Variants in ARHGAP36 observed in about 807,000 individuals in gnomAD.
ARHGAP36 encodes rho GTPase-activating protein 36.
In ARHGAP36, 7 loss-of-function variants were observed where a neutral mutation model predicts 32.9. The ratio of observed to expected loss-of-function variants is 0.21; its 90% CI spans 0.12 to 0.40. The LOEUF (loss-of-function observed/expected upper bound fraction) is 0.40, where lower values mean the gene tolerates loss of function less well. Among genes scored for constraint, ARHGAP36 ranks in the 10% least tolerant of loss-of-function variants. ARHGAP36 has a pLI of 1.00. For synonymous variants in ARHGAP36, 165 were observed against 168.3 expected, an observed-to-expected ratio of 0.98 and a Z score of 0.15; for missense variants, 383 against 442.2, an observed-to-expected ratio of 0.87 and a Z score of 1.20.
intron 3 of ARHGAP36, among the ~76,000 whole-genome samples, chrX:131,083,507 A>C (rs1014850672): frequency 5.4e-5 from 6 of 112,026 alleles, no homozygotes; most frequent in Admixed American, 3.7e-4. Flanking sequence ...GGAAAATTTA[A>C]GGCAGGGACC....
intron 1 of ARHGAP36, among the ~76,000 whole-genome samples, chrX:131,073,291 C>T: frequency 8.8e-6 from 1 of 113,047 alleles, no homozygotes; most frequent in South Asian, 3.7e-4. Flanking sequence ...CCTGGAGCTA[C>T]CCAGGGGCAG....
At chrX:131,084,769 G>C (rs374674459) in intron 6 of ARHGAP36, 88 bp downstream of exon 6, 3 of 1,170,375 alleles carry the variant, frequency 2.6e-6, no homozygotes, top group Non-Finnish European at 2.3e-6. Context: ...CTACCTGGTG[G>C]GGGGAGGAGC....
chrX:131,059,734 T>C (rs892566773), intron 1 of ARHGAP36, among the ~76,000 whole-genome samples: 1 of 112,117 alleles, frequency 8.9e-6, no homozygotes, highest in Admixed American at 9.4e-5. Context: ...AAGGTTTATA[T>C]GATCCTGGTG....
chrX:131,063,954 A>G (rs895262405), intron 1 of ARHGAP36, among the ~76,000 whole-genome samples: 1 of 112,064 alleles, frequency 8.9e-6, no homozygotes, highest in Non-Finnish European at 1.9e-5. Flanking sequence ...TAAGTGCTGC[A>G]TAGCATATCT....
chrX:131,077,958 C>T (rs2148640371), intron 1 of ARHGAP36, among the ~76,000 whole-genome samples: 1 of 109,784 alleles, frequency 9.1e-6, no homozygotes, highest in African/African-American at 3.4e-5. Context: ...AAATACTTGA[C>T]TCTGCTGAAA....
chrX:131,063,897 T>C (rs1481872901), intron 1 of ARHGAP36, among the ~76,000 whole-genome samples: 3 of 111,805 alleles, frequency 2.7e-5, no homozygotes, highest in African/African-American at 9.8e-5. Context: ...GAATTTATTT[T>C]CCTTTCATTG....
intron 4 of ARHGAP36, 40 bp downstream of exon 4, chrX:131,084,009 T>G: frequency 3.4e-6 from 4 of 1,180,715 alleles, no homozygotes; most frequent in Middle Eastern, 3.1e-4. Context: ...GGGCCTCTCC[T>G]GAGGTATGCA....
At chrX:131,060,740 C>G (rs185083053) in intron 1 of ARHGAP36, among the ~76,000 whole-genome samples, 2 of 112,349 alleles carry the variant, frequency 1.8e-5, no homozygotes, top group African/African-American at 6.5e-5. Flanking sequence ...ATTACTCAAA[C>G]AACAGCAGCT....
chrX:131,058,607 G>A (rs2079653113), intron 1 of ARHGAP36, among the ~76,000 whole-genome samples, 163 bp downstream of exon 1: 1 of 113,567 alleles, frequency 8.8e-6, no homozygotes, highest in African/African-American at 3.2e-5. Flanking sequence ...GCCCCGTCGA[G>A]GCCCCGCATA....
chrX:131,082,214 C>G (rs6529455), intron 2 of ARHGAP36, among the ~76,000 whole-genome samples: 1 of 111,461 alleles, frequency 9.0e-6, no homozygotes, highest in African/African-American at 3.3e-5. Flanking sequence ...GAAGAGACAG[C>G]CGCAGCAGGT....
Position 131,084,694 on chromosome X carries a change from T to TA in ARHGAP36, c.804+13_804+14insA. On this transcript the variant is annotated intron_variant, in intron 6 of 11. Transcript: ENST00000276211. ...GCGAGTGCGTCAGGTAAATTGGCTA[T>TA]GTTTACATGTTTGTTCCTCCAATAA... 1 of 1,210,593 alleles carries TA rather than the reference T, an allele frequency of 8.3e-7. No individual in the cohort carries two copies.
intron 1 of ARHGAP36, among the ~76,000 whole-genome samples, chrX:131,070,233 T>C (rs1426314170): frequency 2.7e-5 from 3 of 112,412 alleles, no homozygotes; most frequent in African/African-American, 9.7e-5. Context: ...TGCAGGCAAC[T>C]AAGAAGAAAG....
At chrX:131,073,306 C>A in intron 1 of ARHGAP36, among the ~76,000 whole-genome samples, 1 of 113,017 alleles carries the variant, frequency 8.8e-6, no homozygotes, top group South Asian at 3.7e-4. Context: ...GGGCAGGACC[C>A]GCGCAGCGCA....
chrX:131,076,842 A>G (rs1342298732), intron 1 of ARHGAP36, among the ~76,000 whole-genome samples: 1 of 111,791 alleles, frequency 8.9e-6, no homozygotes, highest in Non-Finnish European at 1.9e-5. Flanking sequence ...TATTTCTGAA[A>G]CATTCTAATA....
At chrX:131,074,356 TGTGA>T (rs373143624) in intron 1 of ARHGAP36, among the ~76,000 whole-genome samples, 3,512 of 38,401 alleles carry the variant, frequency 0.091, 73 homozygotes, top group South Asian at 0.11. Flanking sequence ...TGTGTGTGTG[TGTGA>T]GAGAGAGAGA....
intron 2 of ARHGAP36, among the ~76,000 whole-genome samples, chrX:131,082,359 C>G (rs937662375): frequency 1.8e-5 from 2 of 112,591 alleles, no homozygotes; most frequent in Non-Finnish European, 1.9e-5. Flanking sequence ...GAGAGAGACG[C>G]TCCTAGCCGG....
chrX:131,081,396 T>G, intron 1 of ARHGAP36, 128 bp from the exon 2 acceptor site: 6 of 500,970 alleles, frequency 1.2e-5, no homozygotes, highest in Non-Finnish European at 1.6e-5. Context: ...TTAAAAAATG[T>G]TTTTCTCTTT....
Position 131,083,830 on chromosome X carries a change from T to C in ARHGAP36, c.416T>C (p.Val139Ala), listed in dbSNP as rs773901316. The C allele has an allele frequency of 8.3e-7, 1 of 1,210,895 alleles. No individual in the cohort carries two copies. The highest frequency in any genetic ancestry group is 1.1e-6 in the Non-Finnish European group (1 of 895,425). Residue 139 changes from valine (V) to alanine (A), a missense_variant, in exon 4 of 12, where the codon GTT (valine) becomes GCT (alanine). By Grantham distance (64) the Val-to-Ala change is moderately conservative (BLOSUM62 0). Around this residue, in one of 2 missense-constraint regions of ARHGAP36, gnomAD observed 156 missense variants for 131.0 expected, o/e 1.19. Transcript: ENST00000276211. Reference sequence around the variant, plus strand: ...CTTGAACTGACAGCCACGATGCAGGTTGAAGAAGCCACCGGTCAGGCTGCG... The same window carrying C: ...CTTGAACTGACAGCCACGATGCAGGCTGAAGAAGCCACCGGTCAGGCTGCG... ...KHLELTATMQ[V>A]EEATGQAAGR... is the part of the protein sequence containing the mutation.
chrX:131,073,533 G>A (rs192377559), intron 1 of ARHGAP36, among the ~76,000 whole-genome samples: 1 of 113,104 alleles, frequency 8.8e-6, no homozygotes, highest in Non-Finnish European at 1.9e-5. Context: ...GAGGGGCTTG[G>A]GGGTGGTGGG....
Sources: allele counts gnomAD v4.1 joint callset (sites outside exome capture counted in the v4.1 genomes callset), GRCh38; gene constraint gnomAD v4.1.1; regional missense constraint gnomAD v4.1.1; transcripts MANE v1.5; gene names NCBI Gene and HGNC (gene_info 2026-07-23, HGNC 2026-07-21).